CFAP299: variants seen among roughly 807,000 people sequenced by gnomAD.
CFAP299 encodes the protein cilia and flagella associated protein 299, also known as cilia- and flagella-associated protein 299.
Under a neutral mutation model 27.0 loss-of-function variants are expected in CFAP299, and 21 were observed. The observed-to-expected ratio is 0.78, with a 90% CI of 0.55 to 1.12. The LOEUF (loss-of-function observed/expected upper bound fraction) is 1.12. Among genes scored for constraint, CFAP299 ranks in the 50% most tolerant of loss-of-function variants. CFAP299 has a pLI of 0.00. For synonymous variants in CFAP299, 104 were observed against 98.1 expected (o/e 1.06, Z -0.36); for missense variants, 310 against 276.6 (o/e 1.12, Z -0.86).
At chr4:80,437,367 C>A (rs1030021847) in intron 2 of CFAP299, among the ~76,000 whole-genome samples, 1 of 152,072 alleles carries the variant, frequency 6.6e-6, no homozygotes, top group African/African-American at 2.4e-5. Context: ...GTAATGAATG[C>A]GGCAGGAGAC....
At position 80,668,601 on chromosome 4, in the gene CFAP299, A is replaced by T. The variant is rs143606107; in HGVS notation, c.333+85418A>T. On this transcript the variant is annotated intron_variant, in intron 3 of 5. Coordinates refer to ENST00000358105, the MANE Select transcript of CFAP299 (RefSeq NM_152770.3). The stretch of plus-strand genomic sequence containing the variant: ...GTTATTGGAAACTTTGTTGAAAATG[A>T]GTTGGCTGTAAATATGTGGATTTAT... Among the ~76,000 whole-genome samples, 94 of 152,282 alleles carry T rather than the reference A, an allele frequency of 6.2e-4. 2 individuals are homozygous for T. In the South Asian group the frequency reaches 0.013, roughly 21 times the overall value.
intron 3 of CFAP299, among the ~76,000 whole-genome samples, chr4:80,737,454 G>A (rs958359856): frequency 6.6e-6 from 1 of 152,042 alleles, no homozygotes; most frequent in African/African-American, 2.4e-5. Context: ...ATTATGTTTT[G>A]ATCTCGTTAC....
At chr4:80,335,579 G>C (rs1722089530), upstream of CFAP299, 1 of 593,944 alleles carries the variant, frequency 1.7e-6, no homozygotes, top group South Asian at 1.8e-5. Flanking sequence ...CTGAACTTGG[G>C]TGGGTAATTC....
At position 80,366,230 on chromosome 4, in the gene CFAP299, C is replaced by T. The variant is rs111436284; in HGVS notation, c.242+3346C>T. ...GGCAACTTGGAAACACTTGGTTCCACTATCAGATCATCTTACATTAACTTC... is the reference window on the plus strand; with the variant it reads ...GGCAACTTGGAAACACTTGGTTCCATTATCAGATCATCTTACATTAACTTC... On this transcript the variant is annotated intron_variant, in intron 2 of 5. Coordinates refer to ENST00000358105, the MANE Select transcript of CFAP299 (RefSeq NM_152770.3). Among the ~76,000 whole-genome samples, 912 of 152,320 alleles carry T rather than the reference C, an allele frequency of 6.0e-3. 8 individuals are homozygous for T. The highest frequency in any genetic ancestry group is 0.024 in the Middle Eastern group (7 of 294).
chr4:80,690,472 A>G (rs1720590478), intron 3 of CFAP299, among the ~76,000 whole-genome samples: 2 of 152,182 alleles, frequency 1.3e-5, no homozygotes, highest in Admixed American at 1.3e-4. Context: ...GAAGGCAGAA[A>G]TAAAGATGTT....
chr4:80,679,827 A>G (rs1474362384), intron 3 of CFAP299, among the ~76,000 whole-genome samples: 1 of 150,544 alleles, frequency 6.6e-6, no homozygotes, highest in Non-Finnish European at 1.5e-5. Context: ...GAGAGTTTTC[A>G]TACATTGCAT....
intron 2 of CFAP299, among the ~76,000 whole-genome samples, chr4:80,432,820 C>G (rs1727889661): frequency 6.6e-6 from 1 of 152,048 alleles, no homozygotes; most frequent in South Asian, 2.1e-4. Context: ...CCGTGCCCGG[C>G]CTACACTCTA....
At chr4:80,947,594 C>A (rs1041585459) in intron 5 of CFAP299, among the ~76,000 whole-genome samples, 1 of 152,084 alleles carries the variant, frequency 6.6e-6, no homozygotes, top group Non-Finnish European at 1.5e-5. Context: ...TCTGCCTCGA[C>A]TGGGACCAGA....
intron 5 of CFAP299, among the ~76,000 whole-genome samples, chr4:80,951,434 T>C (rs1017640042): frequency 2.6e-5 from 4 of 152,226 alleles, no homozygotes; most frequent in African/African-American, 7.2e-5. Flanking sequence ...ACTCCTCTAT[T>C]TGAAAATTGT....
intron 3 of CFAP299, among the ~76,000 whole-genome samples, chr4:80,836,960 T>C (rs1011330233): frequency 6.6e-6 from 1 of 152,124 alleles, no homozygotes; most frequent in Non-Finnish European, 1.5e-5. Flanking sequence ...TGCTATTAAA[T>C]ATAATTCTAG....
At chr4:80,663,295 C>G (rs1169614416) in intron 3 of CFAP299, among the ~76,000 whole-genome samples, 1 of 151,986 alleles carries the variant, frequency 6.6e-6, no homozygotes, top group East Asian at 1.9e-4. Context: ...TAGTCCCCCA[C>G]CCCCTGACAG....
intron 3 of CFAP299, among the ~76,000 whole-genome samples, chr4:80,585,031 G>C (rs1284431674): frequency 6.6e-6 from 1 of 152,058 alleles, no homozygotes; most frequent in Non-Finnish European, 1.5e-5. Flanking sequence ...CAGATTTTCA[G>C]ACAGAAAACA....
intron 2 of CFAP299, among the ~76,000 whole-genome samples, chr4:80,490,804 C>T (rs1578507454): frequency 6.6e-6 from 1 of 151,786 alleles, no homozygotes; most frequent in African/African-American, 2.4e-5. Flanking sequence ...GCTATTATAA[C>T]AATTCAATAA....
chr4:80,583,080 C>G lies in CFAP299; in HGVS notation c.243-13C>G, dbSNP rs78938046. On this transcript the variant is annotated splice_polypyrimidine_tract_variant and intron_variant, in intron 2 of 5. Transcript: ENST00000358105. ...TATCTAATATATTATAACTGAAGAT[C>G]TGCCTTTTACAGGACGCTAACAAGT... 1.2e-3 allele frequency: 1,916 copies of G among 1,567,190 alleles called. 30 individuals carry two copies. In the African/African-American group the frequency reaches 0.024, roughly 20 times the overall value.
intron 3 of CFAP299, among the ~76,000 whole-genome samples, chr4:80,722,421 AAAAAAAAAGAAAATG>A (rs1330988678): frequency 6.6e-6 from 1 of 151,990 alleles, no homozygotes; most frequent in Non-Finnish European, 1.5e-5. Flanking sequence ...CCATCTCAAA[AAAAAAAAAGAAAATG>A]AAAAAAAAGA....
chr4:80,353,491 A>G (rs1723109651), intron 1 of CFAP299, among the ~76,000 whole-genome samples: 1 of 152,246 alleles, frequency 6.6e-6, no homozygotes, highest in African/African-American at 2.4e-5. Context: ...TTGTTTTAAC[A>G]TTAAGAAATG....
intron 4 of CFAP299, among the ~76,000 whole-genome samples, chr4:80,902,450 A>ATAT: frequency 8.6e-6 from 1 of 116,162 alleles, no homozygotes; most frequent in Non-Finnish European, 1.6e-5. Context: ...ATATGGATAT[A>ATAT]CATATATACA....
chr4:80,400,145 A>G (rs1490043103), intron 2 of CFAP299, among the ~76,000 whole-genome samples: 1 of 152,228 alleles, frequency 6.6e-6, no homozygotes, highest in Non-Finnish European at 1.5e-5. Context: ...TTAGATATAT[A>G]AAGTTTCATT....
At chr4:80,587,758 A>AT (rs1736522411) in intron 3 of CFAP299, among the ~76,000 whole-genome samples, 1 of 151,998 alleles carries the variant, frequency 6.6e-6, no homozygotes, top group Admixed American at 6.6e-5. Context: ...CACCCAGCTA[A>AT]TTTTTTTATT....
Sources: allele counts gnomAD v4.1 joint callset (sites outside exome capture counted in the v4.1 genomes callset), GRCh38; gene constraint gnomAD v4.1.1; transcripts MANE v1.5; gene names NCBI Gene and HGNC (gene_info 2026-07-23, HGNC 2026-07-21).